Variants in CNTNAP2 observed in about 807,000 individuals in gnomAD.
CNTNAP2 encodes the protein contactin-associated protein-like 2.
In CNTNAP2, 98 loss-of-function variants were observed where a neutral mutation model predicts 155.2. That is an observed-to-expected ratio of 0.63 (90% CI 0.54 to 0.75). The LOEUF (loss-of-function observed/expected upper bound fraction) is 0.75, where lower values mean the gene tolerates loss of function less well. Ranked by LOEUF, CNTNAP2 falls within the 30% of genes least tolerant of loss-of-function variation. The probability of loss-of-function intolerance (pLI) is 0.00; values close to 1 mark genes in which losing one functional copy is unlikely to be tolerated. For synonymous variants in CNTNAP2, 651 were observed against 631.2 expected (o/e 1.03, Z -0.47); for missense variants, 1,727 against 1,688.1 (o/e 1.02, Z -0.40).
chr7:148,243,531 G>T (rs956695369), intron 20 of CNTNAP2, among the ~76,000 whole-genome samples: 1 of 152,168 alleles, frequency 6.6e-6, no homozygotes, highest in Non-Finnish European at 1.5e-5. Context: ...AAGGCAAGGA[G>T]GAGCAAGTCA....
At chr7:147,893,132 A>G (rs557758622) in intron 13 of CNTNAP2, among the ~76,000 whole-genome samples, 84 of 152,360 alleles carry the variant, frequency 5.5e-4, no homozygotes, top group African/African-American at 1.9e-3. Context: ...TTAGGAAACA[A>G]AAGAGAATAT....
chr7:147,238,110 G>A (rs901046750), intron 8 of CNTNAP2, among the ~76,000 whole-genome samples: 1 of 152,186 alleles, frequency 6.6e-6, no homozygotes, highest in African/African-American at 2.4e-5. Context: ...CGCCTCCCGG[G>A]TTCACGCCAT....
chr7:147,934,262 A>C (rs1009598294), intron 14 of CNTNAP2, among the ~76,000 whole-genome samples: 1 of 152,172 alleles, frequency 6.6e-6, no homozygotes, highest in African/African-American at 2.4e-5. Flanking sequence ...TGGGTAATTT[A>C]AAAAAGAAAG....
At chr7:146,118,451 A>G (rs963809854) in intron 1 of CNTNAP2, among the ~76,000 whole-genome samples, 4 of 152,148 alleles carry the variant, frequency 2.6e-5, no homozygotes, top group African/African-American at 7.2e-5. Context: ...ATCACTGGGA[A>G]ACTAGTTTGA....
intron 1 of CNTNAP2, among the ~76,000 whole-genome samples, chr7:146,239,886 T>C (rs1230050858): frequency 6.6e-6 from 1 of 152,174 alleles, no homozygotes; most frequent in Non-Finnish European, 1.5e-5. Flanking sequence ...ATCTTTCTTG[T>C]AAGTTATCTG....
At chr7:147,983,017 CAAAAAAAA>C (rs35946958) in intron 15 of CNTNAP2, among the ~76,000 whole-genome samples, 1 of 80,876 alleles carries the variant, frequency 1.2e-5, no homozygotes. Context: ...GACTCCACCT[CAAAAAAAA>C]AAAAAAAAAA....
At chr7:146,636,731 A>G (rs1799605938) in intron 1 of CNTNAP2, among the ~76,000 whole-genome samples, 1 of 152,272 alleles carries the variant, frequency 6.6e-6, no homozygotes, top group East Asian at 1.9e-4. Context: ...CACACAGATC[A>G]CTCTGGTTGA....
intron 1 of CNTNAP2, among the ~76,000 whole-genome samples, chr7:146,123,089 T>C (rs73452020): frequency 0.021 from 3,124 of 152,256 alleles, 120 homozygotes; most frequent in African/African-American, 0.072. Flanking sequence ...CCTCCCCTGA[T>C]AGTAGGAAAT....
intron 1 of CNTNAP2, among the ~76,000 whole-genome samples, chr7:146,512,522 G>C (rs1356965321): frequency 1.4e-5 from 2 of 145,656 alleles, no homozygotes; most frequent in Admixed American, 6.8e-5. Context: ...TTTTCAAATT[G>C]TCCTAACTTT....
intron 9 of CNTNAP2, among the ~76,000 whole-genome samples, chr7:147,336,653 T>A (rs1481896720): frequency 6.6e-6 from 1 of 152,124 alleles, no homozygotes; most frequent in Non-Finnish European, 1.5e-5. Context: ...GCTAAAATTA[T>A]AGAACTAGTT....
intron 1 of CNTNAP2, among the ~76,000 whole-genome samples, chr7:146,224,764 G>A (rs562214831): frequency 9.9e-5 from 15 of 152,224 alleles, no homozygotes; most frequent in African/African-American, 2.2e-4. Flanking sequence ...GCGAAACTCC[G>A]TCTCAAAAAC....
At chr7:147,199,332 T>G (rs1020979610) in intron 8 of CNTNAP2, among the ~76,000 whole-genome samples, 4 of 152,214 alleles carry the variant, frequency 2.6e-5, no homozygotes, top group Admixed American at 6.5e-5. Flanking sequence ...CTAAGGGCTA[T>G]TAATTGAATA....
At chr7:148,414,029 CTGTTT>C (rs1433152064) in intron 23 of CNTNAP2, among the ~76,000 whole-genome samples, 1 of 150,770 alleles carries the variant, frequency 6.6e-6, no homozygotes, top group Non-Finnish European at 1.5e-5. Flanking sequence ...ATATTTACTT[CTGTTT>C]TATCTAATCT....
chr7:146,643,631 T>A (rs1799753705), intron 1 of CNTNAP2, among the ~76,000 whole-genome samples: 1 of 152,216 alleles, frequency 6.6e-6, no homozygotes, highest in Non-Finnish European at 1.5e-5. Flanking sequence ...TAGGGTTGAC[T>A]TGGCGATGCA....
intron 1 of CNTNAP2, among the ~76,000 whole-genome samples, chr7:146,305,407 G>GT (rs546282729): frequency 2.9e-4 from 44 of 152,182 alleles, no homozygotes; most frequent in African/African-American, 9.9e-4. Context: ...CATCTTTGTG[G>GT]TTTTATCTAC....
At chr7:148,017,354 T>G (rs1802197805) in intron 15 of CNTNAP2, among the ~76,000 whole-genome samples, 1 of 152,172 alleles carries the variant, frequency 6.6e-6, no homozygotes, top group African/African-American at 2.4e-5. Context: ...CATTTCAAAG[T>G]GAAGCAGATA....
At chr7:146,898,288 T>C (rs1229085696) in intron 3 of CNTNAP2, among the ~76,000 whole-genome samples, 1 of 152,016 alleles carries the variant, frequency 6.6e-6, no homozygotes. Context: ...GAAGGTAAAA[T>C]TTTAAAAATA....
At chr7:147,756,677 A>C (rs1797217488) in intron 13 of CNTNAP2, among the ~76,000 whole-genome samples, 1 of 152,220 alleles carries the variant, frequency 6.6e-6, no homozygotes, top group Admixed American at 6.5e-5. Flanking sequence ...TTCTTTCAAT[A>C]TTAAAAAAAT....
intron 8 of CNTNAP2, among the ~76,000 whole-genome samples, chr7:147,287,498 T>C (rs1238491253): frequency 6.6e-6 from 1 of 152,092 alleles, no homozygotes; most frequent in Non-Finnish European, 1.5e-5. Context: ...CTCTGCTACC[T>C]GGCCTCTCAT....
Sources: gnomAD v4.1 joint callset for allele counts (sites outside exome capture counted in the v4.1 genomes callset) on GRCh38, gnomAD v4.1.1 for gene constraint, MANE v1.5 for transcripts, NCBI Gene and HGNC (gene_info 2026-07-23, HGNC 2026-07-21) for gene names.